The following TASP1 variants were observed in gnomAD, a reference collection of about 807,000 sequenced individuals.
The protein encoded by TASP1 is threonine aspartase 1.
In TASP1, 16 loss-of-function variants were observed where a neutral mutation model predicts 56.6. That is an observed-to-expected ratio of 0.28 (90% CI 0.19 to 0.43). The LOEUF is 0.43. TASP1 is among the 20% of genes least tolerant of loss of function. The probability of loss-of-function intolerance (pLI) is 1.00; values close to 1 mark genes in which losing one functional copy is unlikely to be tolerated. For missense variants in TASP1, 393 were observed against 511.6 expected (o/e 0.77, Z 2.24); for synonymous variants, 179 against 184.2 (o/e 0.97, Z 0.23).
intron 12 of TASP1, among the ~76,000 whole-genome samples, chr20:13,420,428 T>C (rs1276130610): frequency 6.6e-6 from 1 of 152,220 alleles, no homozygotes; most frequent in African/African-American, 2.4e-5. Context: ...TTCTTCACTG[T>C]TTTCACAAAC....
chr20:13,387,184 A>ATTTTTTTTTTTTTTTTTTTTT (rs779048448), downstream of TASP1, among the ~76,000 whole-genome samples: 20 of 70,704 alleles, frequency 2.8e-4, 3 homozygotes, highest in African/African-American at 1.3e-3. Flanking sequence ...ACATGATTTC[A>ATTTTTTTTTTTTTTTTTTTTT]TTTTTTTTTT....
the TASP1 span, among the ~76,000 whole-genome samples, chr20:13,376,717 A>C: frequency 6.6e-6 from 1 of 152,174 alleles, no homozygotes; most frequent in Non-Finnish European, 1.5e-5. Context: ...TGAGCATGGA[A>C]TGTTTTTCCA....
the TASP1 span, among the ~76,000 whole-genome samples, chr20:13,255,572 G>A: frequency 6.6e-6 from 1 of 152,204 alleles, no homozygotes; most frequent in African/African-American, 2.4e-5. Context: ...ATGCATAGGA[G>A]TTTTCTATGT....
chr20:13,567,507 A>T (rs1395229522), intron 7 of TASP1, among the ~76,000 whole-genome samples: 4 of 152,146 alleles, frequency 2.6e-5, no homozygotes, highest in Non-Finnish European at 5.9e-5. Flanking sequence ...AATTTCTCCA[A>T]ATCTGAAGCA....
At chr20:13,140,371 A>T in the TASP1 span, among the ~76,000 whole-genome samples, 1 of 152,202 alleles carries the variant, frequency 6.6e-6, no homozygotes, top group Non-Finnish European at 1.5e-5. Context: ...GAAGCTAATA[A>T]ATTTGAACAG....
intron 4 of TASP1, among the ~76,000 whole-genome samples, chr20:13,620,462 G>T (rs2048673614): frequency 6.6e-6 from 1 of 152,134 alleles, no homozygotes; most frequent in South Asian, 2.1e-4. Context: ...GAACATTTCA[G>T]TCATTTCAAT....
At chr20:13,309,125 A>G in the TASP1 span, among the ~76,000 whole-genome samples, 2 of 152,216 alleles carry the variant, frequency 1.3e-5, no homozygotes, top group African/African-American at 4.8e-5. Context: ...AAAACTCACA[A>G]TGCAAGGCTA....
At chr20:13,624,816 C>T (rs911009973) in intron 3 of TASP1, among the ~76,000 whole-genome samples, 1 of 151,848 alleles carries the variant, frequency 6.6e-6, no homozygotes, top group African/African-American at 2.4e-5. Flanking sequence ...TAGGAAAGTA[C>T]CCATTTTAAT....
chr20:13,253,686 G>T, the TASP1 span, among the ~76,000 whole-genome samples: 1 of 151,982 alleles, frequency 6.6e-6, no homozygotes, highest in Non-Finnish European at 1.5e-5. Context: ...CACATTTCCA[G>T]GCGATTCCAA....
chr20:13,407,782 G>A (rs1479964324), intron 13 of TASP1, among the ~76,000 whole-genome samples: 1 of 152,142 alleles, frequency 6.6e-6, no homozygotes, highest in East Asian at 1.9e-4. Flanking sequence ...TGTTGGATGT[G>A]AAGTGGTATC....
intron 4 of TASP1, among the ~76,000 whole-genome samples, chr20:13,610,943 T>A (rs1600160324): frequency 6.6e-6 from 1 of 152,082 alleles, no homozygotes; most frequent in African/African-American, 2.4e-5. Flanking sequence ...ACAGAGGATA[T>A]TGGGAGTAAA....
chr20:13,365,972 A>G, the TASP1 span, among the ~76,000 whole-genome samples: 1 of 152,152 alleles, frequency 6.6e-6, no homozygotes, highest in Non-Finnish European at 1.5e-5. Context: ...GATTCAGGAT[A>G]TGTTTGCAGA....
the TASP1 span, among the ~76,000 whole-genome samples, chr20:13,356,260 T>G: frequency 6.6e-6 from 1 of 152,234 alleles, no homozygotes; most frequent in Non-Finnish European, 1.5e-5. Context: ...GCAGCAGCTG[T>G]TATCCCAGTC....
chr20:13,304,957 C>T, the TASP1 span, among the ~76,000 whole-genome samples: 1 of 152,132 alleles, frequency 6.6e-6, no homozygotes, highest in Non-Finnish European at 1.5e-5. Flanking sequence ...GAGTGTGCTT[C>T]CAGGGGACCC....
downstream of TASP1, among the ~76,000 whole-genome samples, chr20:13,385,851 C>T (rs1365727650): frequency 9.9e-5 from 15 of 152,224 alleles, no homozygotes; most frequent in Admixed American, 9.8e-4. Flanking sequence ...CCAATTTATA[C>T]ACCAACTTCT....
intron 13 of TASP1, among the ~76,000 whole-genome samples, chr20:13,415,314 C>T (rs1202484422): frequency 6.6e-6 from 1 of 151,956 alleles, no homozygotes; most frequent in African/African-American, 2.4e-5. Context: ...TTGAGCTCAG[C>T]CTCTCATCTA....
chr20:13,221,552 T>TGCGGCGGCG, the TASP1 span, among the ~76,000 whole-genome samples: 50 of 141,508 alleles, frequency 3.5e-4, 2 homozygotes, highest in Admixed American at 2.7e-3. Flanking sequence ...TCCGCCGTGG[T>TGCGGCGGCG]GCGGCGGCGG....
intron 11 of TASP1, among the ~76,000 whole-genome samples, chr20:13,438,534 C>T (rs1296065630): frequency 2.0e-5 from 3 of 152,166 alleles, no homozygotes; most frequent in African/African-American, 4.8e-5. Flanking sequence ...AAATGTTAGA[C>T]CTAAAACCAT....
the TASP1 span, among the ~76,000 whole-genome samples, chr20:13,178,750 T>G: frequency 6.7e-6 from 1 of 150,290 alleles, no homozygotes; most frequent in South Asian, 2.1e-4. Flanking sequence ...TACCAGAGGC[T>G]TGTAAAGGTA....
Sources: allele counts gnomAD v4.1 joint callset (sites outside exome capture counted in the v4.1 genomes callset), GRCh38; gene constraint gnomAD v4.1.1; transcripts MANE v1.5; gene names NCBI Gene and HGNC (gene_info 2026-07-23, HGNC 2026-07-21).